The following CNTN4 variants were observed in gnomAD, a reference collection of about 807,000 sequenced individuals.
CNTN4 encodes the protein contactin 4.
Under a neutral mutation model 122.5 loss-of-function variants are expected in CNTN4, and 77 were observed. The ratio of observed to expected loss-of-function variants is 0.63; its 90% CI spans 0.52 to 0.76. The LOEUF is 0.76. Among genes scored for constraint, CNTN4 ranks in the 30% least tolerant of loss-of-function variants. CNTN4 has a pLI of 0.00. For synonymous variants in CNTN4, 512 were observed against 447.0 expected (o/e 1.15, Z -1.83); for missense variants, 1,256 against 1,259.1 (o/e 1.00, Z 0.04).
chr3:2,163,650 A>G (rs143149911), intron 2 of CNTN4, among the ~76,000 whole-genome samples: 109 of 152,246 alleles, frequency 7.2e-4, no homozygotes, highest in Non-Finnish European at 1.3e-3. Context: ...CTCAAGAAAA[A>G]AAAAACTAAT....
In CNTN4 at chr3:2,377,602, C is replaced by A. The variant is rs529524582; in HGVS notation, c.-89+38369C>A. 5.9e-5 allele frequency among the ~76,000 whole-genome samples: 9 copies of A among 152,272 alleles called. 1 individual carries two copies. Among genetic ancestry groups the A allele is most frequent in the African/African-American group, 2.2e-4 (9 of 41,550 alleles). ...ACACAGCTGTGAGAGAGAGAGAGCT[C>A]CTCTGAAGCTGAGACAGTAAAACTG... On this transcript the variant is annotated intron_variant, in intron 3 of 24. Transcript: ENST00000418658.
intron 2 of CNTN4, among the ~76,000 whole-genome samples, chr3:2,329,645 C>G (rs1278079235): frequency 6.6e-6 from 1 of 152,138 alleles, no homozygotes; most frequent in Non-Finnish European, 1.5e-5. Flanking sequence ...AGTAGAGAAA[C>G]CAGTGATAAC....
chr3:2,302,136 A>G (rs545021200), intron 2 of CNTN4, among the ~76,000 whole-genome samples: 2 of 152,314 alleles, frequency 1.3e-5, no homozygotes, highest in South Asian at 2.1e-4. Context: ...TGACTTTATA[A>G]AACTTAGAAT....
chr3:3,002,229 GT>G (rs1331832540), intron 14 of CNTN4, among the ~76,000 whole-genome samples: 4 of 152,114 alleles, frequency 2.6e-5, no homozygotes, highest in Non-Finnish European at 5.9e-5. Flanking sequence ...GACAAAATTT[GT>G]GCTAAGCTTC....
chr3:2,763,981 C>T (rs868815278), intron 6 of CNTN4, among the ~76,000 whole-genome samples: 8 of 150,736 alleles, frequency 5.3e-5, no homozygotes, highest in Non-Finnish European at 8.9e-5. Context: ...TTTTTTGTTC[C>T]ATATGAATTT....
At chr3:2,565,565 T>C (rs2079122849) in intron 3 of CNTN4, among the ~76,000 whole-genome samples, 2 of 152,228 alleles carry the variant, frequency 1.3e-5, no homozygotes, top group Non-Finnish European at 2.9e-5. Flanking sequence ...ATATCTTGTA[T>C]GGTCAATAAT....
At chr3:2,920,085 C>A (rs994844367) in intron 12 of CNTN4, among the ~76,000 whole-genome samples, 2 of 151,798 alleles carry the variant, frequency 1.3e-5, no homozygotes, top group African/African-American at 2.4e-5. Flanking sequence ...TTCATAGAGC[C>A]CGAAGTGCCG....
chr3:2,234,755 A>G (rs2039618814), intron 2 of CNTN4, among the ~76,000 whole-genome samples: 1 of 152,190 alleles, frequency 6.6e-6, no homozygotes, highest in Admixed American at 6.5e-5. Context: ...CGTCACAAAG[A>G]GCATATTTCT....
chr3:2,253,515 G>A (rs960722401), intron 2 of CNTN4, among the ~76,000 whole-genome samples: 2 of 151,986 alleles, frequency 1.3e-5, no homozygotes, highest in Non-Finnish European at 2.9e-5. Context: ...CAGCTAAAAA[G>A]GTCTACTGAC....
intron 4 of CNTN4, among the ~76,000 whole-genome samples, chr3:2,716,136 T>G (rs2149366191): frequency 6.6e-6 from 1 of 152,184 alleles, no homozygotes; most frequent in South Asian, 2.1e-4. Context: ...GGCTACTTTC[T>G]TCACTTTTTA....
intron 3 of CNTN4, among the ~76,000 whole-genome samples, chr3:2,408,151 G>A (rs1445109108): frequency 6.6e-6 from 1 of 152,128 alleles, no homozygotes; most frequent in African/African-American, 2.4e-5. Context: ...ATATTTTTCT[G>A]TACATCCTAA....
At chr3:2,790,271 G>GT (rs1406961320) in intron 6 of CNTN4, among the ~76,000 whole-genome samples, 1 of 152,216 alleles carries the variant, frequency 6.6e-6, no homozygotes, top group Non-Finnish European at 1.5e-5. Context: ...TTGGGGCCAT[G>GT]TAAAGGGATT....
At chr3:3,053,370 T>A (rs1701460645) in intron 23 of CNTN4, among the ~76,000 whole-genome samples, 1 of 152,212 alleles carries the variant, frequency 6.6e-6, no homozygotes, top group South Asian at 2.1e-4. Flanking sequence ...TCCAGAAGAC[T>A]GGGTATTATT....
intron 3 of CNTN4, among the ~76,000 whole-genome samples, chr3:2,542,347 A>G (rs553764193): frequency 2.6e-5 from 4 of 152,258 alleles, no homozygotes; most frequent in Non-Finnish European, 5.9e-5. Context: ...ACTCAGGTTG[A>G]AAGGTTTGAT....
intron 14 of CNTN4, among the ~76,000 whole-genome samples, chr3:3,010,440 C>G (rs1697111504): frequency 6.8e-6 from 1 of 146,758 alleles, no homozygotes; most frequent in Admixed American, 6.9e-5. Flanking sequence ...CAACCATTCT[C>G]TCTGTCTTTA....
At chr3:2,677,319 A>T (rs2084911996) in intron 4 of CNTN4, among the ~76,000 whole-genome samples, 1 of 143,344 alleles carries the variant, frequency 7.0e-6, no homozygotes. Context: ...TGAAGATGTA[A>T]CCCATTGAGA....
At chr3:2,438,217 T>A (rs2048320918) in intron 3 of CNTN4, among the ~76,000 whole-genome samples, 1 of 152,184 alleles carries the variant, frequency 6.6e-6, no homozygotes, top group Non-Finnish European at 1.5e-5. Flanking sequence ...GATATTCCTT[T>A]ATTTTAAAAC....
chr3:2,134,873 TG>T (rs2034615351), intron 2 of CNTN4, among the ~76,000 whole-genome samples: 1 of 152,220 alleles, frequency 6.6e-6, no homozygotes, highest in Non-Finnish European at 1.5e-5. Context: ...TCCCACATTA[TG>T]GAGGGCAATC....
intron 6 of CNTN4, among the ~76,000 whole-genome samples, chr3:2,748,061 T>G (rs9842962): frequency 8.5e-5 from 13 of 152,348 alleles, no homozygotes; most frequent in African/African-American, 2.9e-4. Context: ...TCAATTATGT[T>G]AATTCATCTA....
Sources: gnomAD v4.1 joint callset for allele counts (sites outside exome capture counted in the v4.1 genomes callset) on GRCh38, gnomAD v4.1.1 for gene constraint, MANE v1.5 for transcripts, NCBI Gene and HGNC (gene_info 2026-07-23, HGNC 2026-07-21) for gene names.